UBE3D: variants seen among roughly 807,000 people sequenced by gnomAD.
The protein encoded by UBE3D is E3 ubiquitin-protein ligase E3D.
A neutral mutation model predicts 49.6 loss-of-function variants in UBE3D; 48 were observed. The observed-to-expected ratio is 0.97, with a 90% confidence interval of 0.77 to 1.23. The LOEUF is 1.23. UBE3D is among the 50% of genes most tolerant of loss of function. UBE3D has a pLI of 0.00. For missense variants in UBE3D, 452 were observed against 468.4 expected (o/e 0.96, Z 0.32); for synonymous variants, 189 against 174.2 (o/e 1.08, Z -0.67).
chr6:83,020,675 T>C (rs1455096753), intron 7 of UBE3D, among the ~76,000 whole-genome samples: 2 of 152,212 alleles, frequency 1.3e-5, no homozygotes, highest in African/African-American at 4.8e-5. Flanking sequence ...ATATTTACTA[T>C]CAAAATCAGT....
At chr6:82,895,560 A>G (rs1771257311) in intron 9 of UBE3D, among the ~76,000 whole-genome samples, 1 of 152,172 alleles carries the variant, frequency 6.6e-6, no homozygotes, top group African/African-American at 2.4e-5. Flanking sequence ...CACCCACAAA[A>G]TGGGAATTCT....
chr6:82,920,874 C>CTGA, intron 9 of UBE3D, among the ~76,000 whole-genome samples: 1 of 152,102 alleles, frequency 6.6e-6, no homozygotes, highest in East Asian at 1.9e-4. Flanking sequence ...GATTTAACGC[C>CTGA]CATTTTTTCC....
At chr6:82,958,937 G>A (rs574241411) in intron 8 of UBE3D, among the ~76,000 whole-genome samples, 21 of 152,290 alleles carry the variant, frequency 1.4e-4, no homozygotes, top group Admixed American at 6.5e-5. Context: ...GCTAGAGGAA[G>A]TAAATTTTCT....
At chr6:82,950,519 G>C (rs943737555) in intron 9 of UBE3D, among the ~76,000 whole-genome samples, 3 of 152,170 alleles carry the variant, frequency 2.0e-5, no homozygotes, top group Non-Finnish European at 2.9e-5. Context: ...TGTAATCCCA[G>C]CACTTTGGGA....
At chr6:82,881,977 C>T in the UBE3D span, among the ~76,000 whole-genome samples, 56 of 152,166 alleles carry the variant, frequency 3.7e-4, no homozygotes, top group Non-Finnish European at 2.1e-4. Context: ...TACCATTCCA[C>T]GAACACACCC....
At chr6:82,943,036 C>T (rs1775130210) in intron 9 of UBE3D, among the ~76,000 whole-genome samples, 1 of 152,220 alleles carries the variant, frequency 6.6e-6, no homozygotes, top group South Asian at 2.1e-4. Context: ...CAGAGCTGCC[C>T]AAAGCATCGG....
chr6:82,899,855 C>T (rs1433829038), intron 9 of UBE3D, among the ~76,000 whole-genome samples: 1 of 151,676 alleles, frequency 6.6e-6, no homozygotes, highest in Non-Finnish European at 1.5e-5. Flanking sequence ...AGTAACTTTA[C>T]TAATGAGAGC....
intron 7 of UBE3D, 22 bp downstream of exon 7, chr6:83,022,431 G>T: frequency 6.1e-6 from 9 of 1,484,154 alleles, no homozygotes; most frequent in Non-Finnish European, 8.2e-6. Flanking sequence ...GCTACAAAAA[G>T]CTGGATAAAA....
At chr6:83,029,292 TTTTG>T (rs1475287995) in intron 5 of UBE3D, among the ~76,000 whole-genome samples, 1 of 152,162 alleles carries the variant, frequency 6.6e-6, no homozygotes, top group Admixed American at 6.5e-5. Flanking sequence ...GTTCTGTTCA[TTTTG>T]TTTTAGACTT....
At chr6:83,003,684 T>C (rs1047365673) in intron 8 of UBE3D, among the ~76,000 whole-genome samples, 9 of 152,174 alleles carry the variant, frequency 5.9e-5, no homozygotes, top group African/African-American at 9.6e-5. Context: ...CTGTAGGCAA[T>C]GGTAACACAA....
chr6:83,045,183 G>A (rs371685793), intron 3 of UBE3D, among the ~76,000 whole-genome samples: 1 of 152,212 alleles, frequency 6.6e-6, no homozygotes, highest in East Asian at 1.9e-4. Context: ...TCCTATATAA[G>A]TGTGAGATGA....
At chr6:83,021,487 T>C (rs1219826590) in intron 7 of UBE3D, among the ~76,000 whole-genome samples, 3 of 147,992 alleles carry the variant, frequency 2.0e-5, no homozygotes, top group Admixed American at 6.8e-5. Context: ...ATTCTAAACA[T>C]AAGAGTACTA....
chr6:82,984,889 A>C (rs3120808), intron 8 of UBE3D, among the ~76,000 whole-genome samples: 132,776 of 151,736 alleles, frequency 0.88, 58,163 homozygotes, highest in East Asian at 0.96. Flanking sequence ...TGGCTCCCTA[A>C]AGCCTTTATC....
chr6:83,023,921 G>T, intron 6 of UBE3D, 48 bp downstream of exon 6: 1 of 1,277,826 alleles, frequency 7.8e-7, no homozygotes, highest in Non-Finnish European at 1.1e-6. Context: ...GGTCTGAATG[G>T]GGAAAAAAAT....
At chr6:83,063,868 A>T (rs556148592) in intron 1 of UBE3D, among the ~76,000 whole-genome samples, 14 of 152,338 alleles carry the variant, frequency 9.2e-5, no homozygotes, top group African/African-American at 2.9e-4. Context: ...ATGACCCAGA[A>T]ATTTCACTCT....
At chr6:82,992,792 G>C (rs554320353) in intron 8 of UBE3D, among the ~76,000 whole-genome samples, 2 of 152,082 alleles carry the variant, frequency 1.3e-5, no homozygotes, top group Non-Finnish European at 2.9e-5. Flanking sequence ...TATACATAGT[G>C]ATGTCATTTG....
chr6:83,042,252 A>G (rs1782727671), intron 4 of UBE3D, among the ~76,000 whole-genome samples: 1 of 152,324 alleles, frequency 6.6e-6, no homozygotes, highest in African/African-American at 2.4e-5. Flanking sequence ...AAAATAGCAC[A>G]AGAGAGGTGA....
intron 9 of UBE3D, among the ~76,000 whole-genome samples, chr6:82,912,205 C>G (rs377641037): frequency 6.6e-6 from 1 of 151,798 alleles, no homozygotes; most frequent in Admixed American, 6.6e-5. Flanking sequence ...AAGAGCAATT[C>G]TATTTCATTT....
the UBE3D span, among the ~76,000 whole-genome samples, chr6:82,881,777 T>G: frequency 4.6e-5 from 7 of 152,190 alleles, no homozygotes; most frequent in Admixed American, 4.6e-4. Context: ...TATTTCTGCC[T>G]CTCTCTAGCT....
Sources: gnomAD v4.1 joint callset for allele counts (sites outside exome capture counted in the v4.1 genomes callset) on GRCh38, gnomAD v4.1.1 for gene constraint, MANE v1.5 for transcripts, NCBI Gene and HGNC (gene_info 2026-07-23, HGNC 2026-07-21) for gene names.